The following SLC22A4 variants were observed in gnomAD, a reference collection of about 807,000 sequenced individuals.
The protein encoded by SLC22A4 is solute carrier family 22 member 4.
A neutral mutation model predicts 56.6 loss-of-function variants in SLC22A4; 39 were observed. The ratio of observed to expected loss-of-function variants is 0.69; its 90% CI spans 0.53 to 0.90. SLC22A4 has a LOEUF of 0.90. SLC22A4 is among the 40% of genes least tolerant of loss of function. The pLI is 0.00. For synonymous variants in SLC22A4, 241 were observed against 281.4 expected, an observed-to-expected ratio of 0.86 and a Z score of 1.44; for missense variants, 594 against 696.5, an observed-to-expected ratio of 0.85 and a Z score of 1.66.
intron 6 of SLC22A4, among the ~76,000 whole-genome samples, chr5:132,334,114 A>G (rs1750948319): frequency 6.6e-6 from 1 of 152,188 alleles, no homozygotes; most frequent in Non-Finnish European, 1.5e-5. Context: ...TGGCCCACAG[A>G]GAAGCTTCTA....
chr5:132,305,728 T>C (rs145102535), intron 1 of SLC22A4, among the ~76,000 whole-genome samples: 25 of 152,230 alleles, frequency 1.6e-4, no homozygotes, highest in African/African-American at 5.8e-4. Flanking sequence ...GATAAAGAAA[T>C]TCAAAAATAC....
At chr5:132,315,233 C>T (rs2126714517) in intron 3 of SLC22A4, among the ~76,000 whole-genome samples, 1 of 152,276 alleles carries the variant, frequency 6.6e-6, no homozygotes, top group East Asian at 1.9e-4. Flanking sequence ...GGGCCAGACA[C>T]ATACCAAAAG....
intron 3 of SLC22A4, among the ~76,000 whole-genome samples, chr5:132,321,881 C>T (rs1254542724): frequency 1.3e-5 from 2 of 151,620 alleles, no homozygotes; most frequent in Non-Finnish European, 2.9e-5. Context: ...GCACTGCAGC[C>T]CGGGCAACAG....
intron 1 of SLC22A4, among the ~76,000 whole-genome samples, chr5:132,297,318 AAAAC>A (rs1383699885): frequency 3.3e-5 from 5 of 151,188 alleles, no homozygotes; most frequent in South Asian, 2.1e-4. Flanking sequence ...ACTGTGTCTC[AAAAC>A]AAACAAACAA....
chr5:132,335,247 A>C (rs879577183), intron 7 of SLC22A4, among the ~76,000 whole-genome samples: 3 of 152,164 alleles, frequency 2.0e-5, no homozygotes, highest in Non-Finnish European at 2.9e-5. Context: ...GGCTACTCTC[A>C]AACATTTTCC....
At chr5:132,314,933 C>CTCT (rs1750294729) in intron 3 of SLC22A4, among the ~76,000 whole-genome samples, 1 of 152,340 alleles carries the variant, frequency 6.6e-6, no homozygotes, top group Non-Finnish European at 1.5e-5. Flanking sequence ...AGGTAGCACA[C>CTCT]TCTTCAGCAG....
chr5:132,318,029 T>C (rs1750412813), intron 3 of SLC22A4, among the ~76,000 whole-genome samples: 1 of 152,252 alleles, frequency 6.6e-6, no homozygotes, highest in South Asian at 2.1e-4. Context: ...AATGCAGCTG[T>C]CACTGTGGAC....
intron 1 of SLC22A4, among the ~76,000 whole-genome samples, chr5:132,308,952 T>C (rs990024036): frequency 3.3e-5 from 5 of 152,328 alleles, no homozygotes; most frequent in Admixed American, 2.0e-4. Context: ...TGTGCATGTA[T>C]GTACAAACAT....
At chr5:132,318,534 A>G (rs2126718167) in intron 3 of SLC22A4, among the ~76,000 whole-genome samples, 1 of 152,086 alleles carries the variant, frequency 6.6e-6, no homozygotes, top group Middle Eastern at 3.4e-3. Context: ...CTGAGAGCCT[A>G]TGTTGGTCAT....
In SLC22A4 at chr5:132,310,117, T is replaced by C. The variant is rs1446471812; in HGVS notation, c.394-2044T>C. On this transcript the variant is annotated intron_variant, in intron 1 of 9. Transcript: ENST00000200652. ...CCTTGAAGAAGTGTAGGGCATCATA[T>C]TTAATAAGCTCATTTTGTCCTGCCT... Among the ~76,000 whole-genome samples, 4 of 152,342 alleles carry C rather than the reference T, an allele frequency of 2.6e-5. No individual in the cohort carries two copies. In the East Asian group the frequency reaches 7.7e-4, roughly 29 times the overall value.
intron 1 of SLC22A4, chr5:132,295,638 G>A (rs1170052797): frequency 4.0e-6 from 1 of 248,448 alleles, no homozygotes; most frequent in East Asian, 1.1e-4. Context: ...TGGCAGGCAG[G>A]GGCTGTAGCC....
intron 3 of SLC22A4, 42 bp downstream of exon 3, chr5:132,313,810 C>T: frequency 6.3e-7 from 1 of 1,587,718 alleles, no homozygotes; most frequent in Non-Finnish European, 8.6e-7. Context: ...CCCTCTAACC[C>T]TCTGAAAGGC....
intron 3 of SLC22A4, among the ~76,000 whole-genome samples, chr5:132,316,099 G>A (rs1050757670): frequency 1.3e-5 from 2 of 152,200 alleles, no homozygotes; most frequent in South Asian, 4.1e-4. Flanking sequence ...GAGGAGTTTG[G>A]TAGGTGCCTT....
chr5:132,298,992 G>C (rs1375401812), intron 1 of SLC22A4, among the ~76,000 whole-genome samples: 1 of 152,256 alleles, frequency 6.6e-6, no homozygotes, highest in Non-Finnish European at 1.5e-5. Context: ...GCCAGTGCCA[G>C]TGTACAGGGC....
At position 132,336,001 on chromosome 5, in the gene SLC22A4, G is replaced by A. The variant is rs769669153; in HGVS notation, c.1444+1G>A. 8.7e-6 allele frequency: 14 copies of A among 1,613,582 alleles called. No homozygotes were observed. In the South Asian group the frequency reaches 1.5e-4, roughly 18 times the overall value. Reference sequence around the variant, plus strand: ...ATTGCCCCCTACTTTGTTTACCTCGGTGAGCTGCATCTTGTGCATTTGTTC... The same window carrying A: ...ATTGCCCCCTACTTTGTTTACCTCGATGAGCTGCATCTTGTGCATTTGTTC... On this transcript the variant is annotated splice_donor_variant, in intron 8 of 9. Transcript: ENST00000200652. LOFTEE classifies it high-confidence loss of function.
At chr5:132,339,717 AC>A (rs1358035468) in intron 8 of SLC22A4, among the ~76,000 whole-genome samples, 1 of 152,160 alleles carries the variant, frequency 6.6e-6, no homozygotes, top group Non-Finnish European at 1.5e-5. Context: ...AGACACTGGT[AC>A]ATAAGACAGG....
At chr5:132,310,432 T>C (rs1316943711) in intron 1 of SLC22A4, among the ~76,000 whole-genome samples, 1 of 152,164 alleles carries the variant, frequency 6.6e-6, no homozygotes, top group Non-Finnish European at 1.5e-5. Context: ...CCACTTCCGG[T>C]CTATGGACTG....
chr5:132,308,485 T>C (rs1421554487), intron 1 of SLC22A4, among the ~76,000 whole-genome samples: 1 of 145,590 alleles, frequency 6.9e-6, no homozygotes, highest in Non-Finnish European at 1.5e-5. Flanking sequence ...AAAACAAGGA[T>C]AAGAGTACCC....
rs1269422959 is a variant in SLC22A4, at chr5:132,294,989, C to T, written c.373C>T (p.Leu125=). 3.1e-6 allele frequency: 5 copies of T among 1,607,348 alleles called. No homozygotes were observed. The highest frequency in any genetic ancestry group is 1.7e-5 in the Admixed American group (1 of 59,336). ...CTGGGAGTTCAGCCAGGACGTCTAC[C>T]TGTCCACCGTCGTGACCGAGGTGGG... The part of the protein sequence containing the change: ...DGWEFSQDVY[L]STVVTEWNLV... Residue 125 remains leucine, a synonymous_variant, in exon 1 of 10, where the codon CTG becomes TTG. Transcript: ENST00000200652. The surrounding 1 kb of genome is among the most constrained non-coding windows in gnomAD (Gnocchi z 5.6).
Sources: allele counts gnomAD v4.1 joint callset (sites outside exome capture counted in the v4.1 genomes callset), GRCh38; gene constraint gnomAD v4.1.1; non-coding constraint Gnocchi (gnomAD v3.1); transcripts MANE v1.5; gene names NCBI Gene and HGNC (gene_info 2026-07-23, HGNC 2026-07-21).